The following SLC14A2 variants were observed in gnomAD, a reference collection of about 807,000 sequenced individuals.
The protein encoded by SLC14A2 is solute carrier family 14 member 2, also known as urea transporter 2.
SLC14A2 carries 91 observed loss-of-function variants against 104.6 expected under a neutral mutation model. The observed-to-expected ratio is 0.87, with a 90% confidence interval of 0.73 to 1.04. The LOEUF (loss-of-function observed/expected upper bound fraction) is 1.04. SLC14A2 is among the 50% of genes least tolerant of loss of function. The pLI, the probability that SLC14A2 is intolerant of heterozygous loss-of-function variation, is 0.00. For synonymous variants in SLC14A2, 476 were observed against 466.4 expected (o/e 1.02, Z -0.27); for missense variants, 1,189 against 1,156.0 (o/e 1.03, Z -0.41).
At chr18:45,501,256 AAG>A (rs1457447974) in intron 2 of SLC14A2, among the ~76,000 whole-genome samples, 1 of 152,170 alleles carries the variant, frequency 6.6e-6, no homozygotes, top group East Asian at 1.9e-4. Flanking sequence ...TAGCCAGGAA[AAG>A]AGAGTGACTC....
intron 1 of SLC14A2, among the ~76,000 whole-genome samples, chr18:45,303,351 C>A (rs534842891): frequency 6.6e-6 from 1 of 152,332 alleles, no homozygotes; most frequent in East Asian, 1.9e-4. Context: ...CAGCCACATA[C>A]TGCTAAGTTA....
intron 1 of SLC14A2, among the ~76,000 whole-genome samples, chr18:45,458,146 G>T (rs2086978506): frequency 6.6e-6 from 1 of 152,260 alleles, no homozygotes; most frequent in Non-Finnish European, 1.5e-5. Flanking sequence ...GCCTGCCCAA[G>T]GGAAGCACTG....
intron 1 of SLC14A2, among the ~76,000 whole-genome samples, chr18:45,371,195 A>G (rs904561595): frequency 2.0e-5 from 3 of 152,126 alleles, no homozygotes; most frequent in Non-Finnish European, 4.4e-5. Context: ...TTTCCACTAA[A>G]AGGACCCAAC....
rs184002344 is a variant in SLC14A2, at chr18:45,416,789, C to T, written c.-124-66444C>T. On this transcript the variant is annotated intron_variant, in intron 1 of 20. Transcript: ENST00000586448. ...TCAAAACCAGCAGGTTTTTTCCTCT[C>T]TCAAATTACCTTTATAGGACATTTG... Among the ~76,000 whole-genome samples the T allele has an allele frequency of 2.6e-4, 40 of 152,288 alleles. 1 individual carries two copies. Among genetic ancestry groups the T allele is most frequent in the Admixed American group, 1.2e-3 (18 of 15,290 alleles).
chr18:45,432,566 CAG>C (rs1053534816), intron 1 of SLC14A2, among the ~76,000 whole-genome samples: 1 of 152,106 alleles, frequency 6.6e-6, no homozygotes, highest in Non-Finnish European at 1.5e-5. Context: ...CTAGGGGAGA[CAG>C]AGCCCAAGAG....
At chr18:45,478,904 C>A (rs1238838318) in intron 1 of SLC14A2, among the ~76,000 whole-genome samples, 1 of 152,210 alleles carries the variant, frequency 6.6e-6, no homozygotes, top group African/African-American at 2.4e-5. Context: ...ACCACCTCCC[C>A]TTTTCTTAAT....
intron 2 of SLC14A2, among the ~76,000 whole-genome samples, chr18:45,534,778 A>G (rs1374084371): frequency 1.3e-5 from 2 of 152,194 alleles, no homozygotes; most frequent in African/African-American, 2.4e-5. Context: ...ACCATGCATT[A>G]GATGAAAGGT....
At chr18:45,406,844 G>A (rs1034327330) in intron 1 of SLC14A2, among the ~76,000 whole-genome samples, 2 of 151,860 alleles carry the variant, frequency 1.3e-5, no homozygotes, top group Non-Finnish European at 1.5e-5. Context: ...TTTCTGAGCA[G>A]TAAGTCTCAA....
At chr18:45,466,334 C>CCTG (rs2087141478) in intron 1 of SLC14A2, among the ~76,000 whole-genome samples, 1 of 151,388 alleles carries the variant, frequency 6.6e-6, no homozygotes, top group Non-Finnish European at 1.5e-5. Context: ...CAGAAGGAGG[C>CCTG]CTGCACCCAG....
At chr18:45,390,614 CATAAGAGAGGGT>C (rs2085949972) in intron 1 of SLC14A2, among the ~76,000 whole-genome samples, 1 of 152,200 alleles carries the variant, frequency 6.6e-6, no homozygotes, top group East Asian at 1.9e-4. Flanking sequence ...AAGATGCACA[CATAAGAGAGGGT>C]ATATATAAAG....
chr18:45,348,352 C>T (rs1421748023), intron 1 of SLC14A2, among the ~76,000 whole-genome samples: 3 of 152,202 alleles, frequency 2.0e-5, no homozygotes, highest in African/African-American at 7.2e-5. Flanking sequence ...GCATATAACT[C>T]ATCTCACTTG....
intron 1 of SLC14A2, among the ~76,000 whole-genome samples, chr18:45,310,348 G>A (rs2085066049): frequency 6.6e-6 from 1 of 152,170 alleles, no homozygotes. Flanking sequence ...CCCACACTTA[G>A]TTGTATCATA....
intron 1 of SLC14A2, among the ~76,000 whole-genome samples, chr18:45,437,492 C>A (rs1598812913): frequency 1.3e-5 from 2 of 152,314 alleles, no homozygotes; most frequent in East Asian, 1.9e-4. Context: ...CAGAGCCCCA[C>A]CTCCTTCAAG....
chr18:45,417,288 T>G (rs1168770242), intron 1 of SLC14A2, among the ~76,000 whole-genome samples: 3 of 152,212 alleles, frequency 2.0e-5, no homozygotes, highest in Non-Finnish European at 4.4e-5. Flanking sequence ...TACCTTTTCT[T>G]TTTCAACTTC....
intron 1 of SLC14A2, among the ~76,000 whole-genome samples, chr18:45,459,191 T>G (rs2086998259): frequency 6.6e-6 from 1 of 152,142 alleles, no homozygotes; most frequent in Non-Finnish European, 1.5e-5. Context: ...CACCACCGCC[T>G]GCCAGGGATC....
At chr18:45,461,813 A>G (rs1379953540) in intron 1 of SLC14A2, among the ~76,000 whole-genome samples, 1 of 152,246 alleles carries the variant, frequency 6.6e-6, no homozygotes, top group Non-Finnish European at 1.5e-5. Flanking sequence ...TTAAAAAGAG[A>G]CAACAATTTA....
In SLC14A2 at chr18:45,666,231, G is replaced by C. The variant is rs1224616662; in HGVS notation, c.1557+12G>C. The C allele has an allele frequency of 3.2e-6, 5 of 1,586,036 alleles. No individual in the cohort carries two copies. Among genetic ancestry groups the C allele is most frequent in the Non-Finnish European group, 4.3e-6 (5 of 1,154,366 alleles). Reference sequence around the variant, plus strand: ...CAGTCGAGCTGCTTGTGAGTACTGAGTGTCCTGAATCAGGGACAGCGCCCT... The same window carrying C: ...CAGTCGAGCTGCTTGTGAGTACTGACTGTCCTGAATCAGGGACAGCGCCCT... On this transcript the variant is annotated intron_variant, in intron 12 of 19. Coordinates refer to ENST00000255226, the MANE Select transcript of SLC14A2 (RefSeq NM_007163.4).
At chr18:45,340,565 A>G (rs1255065180) in intron 1 of SLC14A2, among the ~76,000 whole-genome samples, 1 of 152,236 alleles carries the variant, frequency 6.6e-6, no homozygotes, top group African/African-American at 2.4e-5. Flanking sequence ...AGTCTTACCA[A>G]TGTAAGTAAT....
At chr18:45,673,246 GGT>G (rs1443295693) in intron 17 of SLC14A2, among the ~76,000 whole-genome samples, 199 bp downstream of exon 17, 3 of 152,154 alleles carry the variant, frequency 2.0e-5, no homozygotes, top group Non-Finnish European at 4.4e-5. Context: ...GAAAGGCTTT[GGT>G]GTTAGTCATT....
Sources: allele counts gnomAD v4.1 joint callset (sites outside exome capture counted in the v4.1 genomes callset), GRCh38; gene constraint gnomAD v4.1.1; transcripts MANE v1.5; gene names NCBI Gene and HGNC (gene_info 2026-07-23, HGNC 2026-07-21).